RSRC1: variants seen among roughly 807,000 people sequenced by gnomAD.
The protein encoded by RSRC1 is serine/Arginine-related protein 53.
RSRC1 carries 39 observed loss-of-function variants against 49.1 expected under a neutral mutation model. The ratio of observed to expected loss-of-function variants is 0.79; its 90% confidence interval spans 0.61 to 1.04. RSRC1 has a LOEUF of 1.04. Among genes scored for constraint, RSRC1 ranks in the 50% least tolerant of loss-of-function variants. RSRC1 has a pLI of 0.00. For synonymous variants in RSRC1, 143 were observed against 130.8 expected (o/e 1.09, Z -0.63); for missense variants, 388 against 402.4 (o/e 0.96, Z 0.31).
At chr3:158,474,640 T>C (rs1171260843) in intron 7 of RSRC1, among the ~76,000 whole-genome samples, 1 of 152,232 alleles carries the variant, frequency 6.6e-6, no homozygotes, top group Non-Finnish European at 1.5e-5. Flanking sequence ...TTGGAGTCAA[T>C]CCTTTCAGCC....
At chr3:158,375,103 AACG>A (rs74816729) in intron 6 of RSRC1, among the ~76,000 whole-genome samples, 11,047 of 151,674 alleles carry the variant, frequency 0.073, 466 homozygotes, top group South Asian at 0.13. Flanking sequence ...TTGTCATTCT[AACG>A]ACATTATGAA....
chr3:158,506,546 A>T (rs1739867732), intron 7 of RSRC1, among the ~76,000 whole-genome samples: 1 of 152,082 alleles, frequency 6.6e-6, no homozygotes, highest in African/African-American at 2.4e-5. Flanking sequence ...AAGACGACAT[A>T]TAAACGGCCA....
At chr3:158,240,117 A>C (rs1267937744) in intron 4 of RSRC1, among the ~76,000 whole-genome samples, 1 of 152,128 alleles carries the variant, frequency 6.6e-6, no homozygotes, top group African/African-American at 2.4e-5. Flanking sequence ...ATAAAAACCA[A>C]CTTTTTTCTA....
At chr3:158,364,894 T>TAATA (rs1731676995) in intron 6 of RSRC1, among the ~76,000 whole-genome samples, 2 of 150,638 alleles carry the variant, frequency 1.3e-5, no homozygotes, top group African/African-American at 4.8e-5. Context: ...TAATAAAGTC[T>TAATA]ATAGAGAGAT....
chr3:158,479,912 A>G (rs1738539783), intron 7 of RSRC1, among the ~76,000 whole-genome samples: 1 of 152,066 alleles, frequency 6.6e-6, no homozygotes, highest in Admixed American at 6.6e-5. Flanking sequence ...TTTATTTTAA[A>G]AAGTACAGAT....
Position 158,537,192 on chromosome 3 carries a change from C to A in RSRC1, c.753C>A (p.Val251=). 2 of 1,570,040 alleles carry A rather than the reference C, an allele frequency of 1.3e-6. No homozygotes were observed. The highest frequency in any genetic ancestry group is 1.9e-5 in the Admixed American group (1 of 51,874). ...VQQTFRSSKE[V]KKSVEPSEVK... ...AGACATTCAGATCAAGTAAAGAAGT[C>A]AAAAAGGTAAGTTTTTATCCACCCA... The change falls in exon 8 of 10, where the codon GTC becomes GTA. Residue 251 remains valine (V), a synonymous_variant. Transcript: ENST00000611884.
chr3:158,301,523 A>G (rs1424738485), intron 5 of RSRC1, among the ~76,000 whole-genome samples: 1 of 152,164 alleles, frequency 6.6e-6, no homozygotes, highest in Non-Finnish European at 1.5e-5. Context: ...GAATCTTTTC[A>G]AGATGGCTTC....
At chr3:158,267,666 T>C (rs889154046) in intron 4 of RSRC1, among the ~76,000 whole-genome samples, 1 of 151,950 alleles carries the variant, frequency 6.6e-6, no homozygotes, top group African/African-American at 2.4e-5. Context: ...CTTTTACCTT[T>C]AGAATTTTCT....
intron 3 of RSRC1, among the ~76,000 whole-genome samples, chr3:158,128,980 A>T (rs1359752657): frequency 6.6e-6 from 1 of 152,144 alleles, no homozygotes; most frequent in Non-Finnish European, 1.5e-5. Flanking sequence ...GGGGTCTGTG[A>T]TACTGCTATG....
intron 6 of RSRC1, among the ~76,000 whole-genome samples, chr3:158,451,044 T>C (rs965915721): frequency 6.6e-6 from 1 of 151,920 alleles, no homozygotes; most frequent in African/African-American, 2.4e-5. Flanking sequence ...AAAATTTTTC[T>C]GCTTTTCTCA....
chr3:158,464,221 T>C lies in RSRC1; in HGVS notation c.652+3218T>C, dbSNP rs988857035. On this transcript the variant is annotated intron_variant, in intron 7 of 9. Coordinates refer to ENST00000611884, the MANE Select transcript of RSRC1 (RefSeq NM_001271838.2). ...CTATTTCTCTCTATTATTGAATGCA[T>C]TAGCATAACTGCTTAGATTTTCTGT... is the stretch of plus-strand genomic sequence containing the variant. Among the ~76,000 whole-genome samples, 10 of 152,278 alleles carry C rather than the reference T, an allele frequency of 6.6e-5. No individual in the cohort carries two copies. The South Asian group carries it at 1.7e-3, about 25-fold the overall frequency.
At chr3:158,242,243 C>T (rs1032214027) in intron 4 of RSRC1, among the ~76,000 whole-genome samples, 4 of 151,972 alleles carry the variant, frequency 2.6e-5, no homozygotes, top group Non-Finnish European at 1.5e-5. Context: ...TGTTGTTTCC[C>T]ACCATGTGTC....
chr3:158,186,578 G>C (rs1338854011), intron 3 of RSRC1, among the ~76,000 whole-genome samples: 1 of 151,952 alleles, frequency 6.6e-6, no homozygotes, highest in Non-Finnish European at 1.5e-5. Context: ...GTGATGCCAA[G>C]CATCTGTGTG....
At chr3:158,417,749 T>C (rs1012159769) in intron 6 of RSRC1, among the ~76,000 whole-genome samples, 2 of 150,826 alleles carry the variant, frequency 1.3e-5, no homozygotes, top group Non-Finnish European at 3.0e-5. Context: ...AATCAGTTCT[T>C]ATTTATTAAT....
chr3:158,436,847 G>T (rs1578476095), intron 6 of RSRC1, among the ~76,000 whole-genome samples: 1 of 151,776 alleles, frequency 6.6e-6, no homozygotes, highest in East Asian at 1.9e-4. Context: ...TAACCCTGTG[G>T]CTTATGATGG....
intron 4 of RSRC1, among the ~76,000 whole-genome samples, chr3:158,247,440 G>A (rs536568173): frequency 6.6e-5 from 10 of 152,224 alleles, no homozygotes; most frequent in Admixed American, 2.6e-4. Flanking sequence ...TGGAGAAAAC[G>A]GCAATCTGGC....
chr3:158,345,564 A>G lies in RSRC1; in HGVS notation c.532-9293A>G, dbSNP rs557669809. Among the ~76,000 whole-genome samples, 15 of 152,174 alleles carry G rather than the reference A, an allele frequency of 9.9e-5. No individual in the cohort carries two copies. The East Asian group carries it at 1.7e-3, about 18-fold the overall frequency. On this transcript the variant is annotated intron_variant, in intron 5 of 9. Transcript: ENST00000611884. ...TTTAAACAAAAGAAGAAAAAAGGAC[A>G]ACTTTATTCTAAAAATTGGGAATGC...
chr3:158,248,409 G>A lies in RSRC1; in HGVS notation c.494+45164G>A, dbSNP rs112944625. On this transcript the variant is annotated intron_variant, in intron 4 of 9. Transcript: ENST00000611884. The stretch of plus-strand genomic sequence containing the variant: ...ATAAGTAATATTCTATTCCATAAAT[G>A]TATCACATTTTGTTTTTTCACTCAC... Among the ~76,000 whole-genome samples, 1,095 of 152,186 alleles carry A rather than the reference G, an allele frequency of 7.2e-3. 17 individuals are homozygous for A. Among genetic ancestry groups the A allele is most frequent in the African/African-American group, 0.026 (1,061 of 41,542 alleles).
intron 3 of RSRC1, among the ~76,000 whole-genome samples, chr3:158,144,398 C>G (rs1467126777): frequency 6.6e-6 from 1 of 151,392 alleles, no homozygotes; most frequent in Non-Finnish European, 1.5e-5. Flanking sequence ...GGTTTTTTGT[C>G]CTTGCGATAG....
Sources: gnomAD v4.1 joint callset for allele counts (sites outside exome capture counted in the v4.1 genomes callset) on GRCh38, gnomAD v4.1.1 for gene constraint, MANE v1.5 for transcripts, NCBI Gene and HGNC (gene_info 2026-07-23, HGNC 2026-07-21) for gene names.